MRPS28: variants seen among roughly 807,000 people sequenced by gnomAD.
MRPS28 encodes small ribosomal subunit protein bS1m.
A neutral mutation model predicts 10.8 loss-of-function variants in MRPS28; 7 were observed. The observed-to-expected ratio is 0.65, with a 90% CI of 0.37 to 1.22. MRPS28 has a LOEUF of 1.22. Among genes scored for constraint, MRPS28 ranks in the 50% most tolerant of loss-of-function variants. MRPS28 has a pLI of 0.02. For missense variants in MRPS28, 265 were observed against 232.9 expected (o/e 1.14, Z -0.90); for synonymous variants, 121 against 93.3 (o/e 1.30, Z -1.71).
At chr8:79,928,705 T>C (rs1443381940) in intron 2 of MRPS28, among the ~76,000 whole-genome samples, 2 of 151,250 alleles carry the variant, frequency 1.3e-5, no homozygotes. Context: ...CCTCCCAAAG[T>C]GCTGGGATTA....
intron 2 of MRPS28, among the ~76,000 whole-genome samples, chr8:79,936,836 TA>T (rs1407383939): frequency 6.6e-6 from 1 of 152,160 alleles, no homozygotes; most frequent in Non-Finnish European, 1.5e-5. Context: ...TATTTTTTAA[TA>T]AACAACCTCT....
intron 2 of MRPS28, among the ~76,000 whole-genome samples, chr8:79,937,499 G>A (rs886358743): frequency 6.6e-6 from 1 of 152,140 alleles, no homozygotes; most frequent in African/African-American, 2.4e-5. Flanking sequence ...TAGTGATACT[G>A]ATTTTCAACG....
At chr8:79,961,659 G>C (rs529771974) in intron 2 of MRPS28, among the ~76,000 whole-genome samples, 2 of 152,220 alleles carry the variant, frequency 1.3e-5, no homozygotes, top group East Asian at 3.9e-4. Context: ...AAACAAAAGA[G>C]TGGCTTAATT....
At chr8:79,945,364 A>T (rs1008026054) in intron 2 of MRPS28, among the ~76,000 whole-genome samples, 25 of 152,216 alleles carry the variant, frequency 1.6e-4, no homozygotes, top group African/African-American at 6.0e-4. Flanking sequence ...AAACCTCAGC[A>T]CACATAGGCA....
chr8:79,919,248 G>A, intron 2 of MRPS28, 100 bp from the exon 3 acceptor site: 2 of 924,770 alleles, frequency 2.2e-6, no homozygotes, highest in Non-Finnish European at 3.0e-6. Context: ...ATTTGTGTTA[G>A]CTCAAGATGA....
intron 2 of MRPS28, among the ~76,000 whole-genome samples, chr8:79,933,432 C>T (rs972683249): frequency 2.0e-5 from 3 of 152,218 alleles, no homozygotes; most frequent in Admixed American, 1.3e-4. Context: ...GTTCAGTCTC[C>T]AAATACAGTC....
intron 2 of MRPS28, among the ~76,000 whole-genome samples, chr8:79,985,523 C>T (rs1044332130): frequency 1.3e-4 from 20 of 151,960 alleles, no homozygotes; most frequent in Admixed American, 3.3e-4. Context: ...ATTGATAGAC[C>T]GCTAGCAAGG....
intron 2 of MRPS28, among the ~76,000 whole-genome samples, chr8:79,935,395 G>C (rs922492085): frequency 1.3e-5 from 2 of 151,872 alleles, no homozygotes; most frequent in Non-Finnish European, 2.9e-5. Context: ...TAAACTGTGT[G>C]ATTGCTTGGT....
At chr8:79,954,169 G>C (rs1292294319) in intron 2 of MRPS28, among the ~76,000 whole-genome samples, 1 of 151,774 alleles carries the variant, frequency 6.6e-6, no homozygotes, top group Non-Finnish European at 1.5e-5. Flanking sequence ...CTTGAGCCCA[G>C]GAGTTAGACT....
chr8:79,986,530 T>C (rs1357042993), intron 2 of MRPS28, among the ~76,000 whole-genome samples: 4 of 151,792 alleles, frequency 2.6e-5, no homozygotes, highest in Non-Finnish European at 4.4e-5. Context: ...AAAACCCCGT[T>C]GTCTCAGCCC....
chr8:79,922,465 T>G (rs1232585700), intron 2 of MRPS28, among the ~76,000 whole-genome samples: 1 of 152,168 alleles, frequency 6.6e-6, no homozygotes, highest in African/African-American at 2.4e-5. Context: ...GTGAGTATAT[T>G]TTGTGTTCTC....
At chr8:79,929,719 G>C (rs1446877536) in intron 2 of MRPS28, among the ~76,000 whole-genome samples, 2 of 152,258 alleles carry the variant, frequency 1.3e-5, no homozygotes, top group Non-Finnish European at 1.5e-5. Context: ...GTTGGAAAGG[G>C]AACAGGTTGT....
chr8:79,984,524 A>G (rs1003206560), intron 2 of MRPS28, among the ~76,000 whole-genome samples: 6 of 152,246 alleles, frequency 3.9e-5, no homozygotes. Flanking sequence ...TGTATTCAGG[A>G]GACCCATCTC....
intron 2 of MRPS28, among the ~76,000 whole-genome samples, chr8:79,956,237 C>T (rs1023242685): frequency 7.2e-5 from 11 of 151,912 alleles, no homozygotes; most frequent in East Asian, 3.9e-4. Context: ...CAAGTTAATA[C>T]TATATGAAAT....
At chr8:79,940,396 T>C (rs1806735186) in intron 2 of MRPS28, among the ~76,000 whole-genome samples, 1 of 152,214 alleles carries the variant, frequency 6.6e-6, no homozygotes, top group Admixed American at 6.5e-5. Flanking sequence ...CCTTTACTGT[T>C]CCAGGAAATG....
chr8:79,997,835 ACTTGAC>A (rs1808543884), intron 2 of MRPS28, among the ~76,000 whole-genome samples: 1 of 152,086 alleles, frequency 6.6e-6, no homozygotes, highest in Non-Finnish European at 1.5e-5. Context: ...CGGGCGGATC[ACTTGAC>A]GCCAGGAGTT....
intron 2 of MRPS28, among the ~76,000 whole-genome samples, chr8:79,973,375 C>CCATA (rs1452989907): frequency 3.9e-5 from 6 of 152,126 alleles, no homozygotes; most frequent in African/African-American, 1.4e-4. Context: ...TCATACCACA[C>CCATA]CATACCCTCA....
intron 2 of MRPS28, among the ~76,000 whole-genome samples, chr8:79,984,309 A>G (rs2130091463): frequency 6.6e-6 from 1 of 152,374 alleles, no homozygotes; most frequent in Admixed American, 6.5e-5. Flanking sequence ...AGTACTAGCT[A>G]CTGCATAATC....
intron 2 of MRPS28, among the ~76,000 whole-genome samples, chr8:79,998,079 A>G (rs1178720344): frequency 1.3e-5 from 2 of 151,998 alleles, no homozygotes; most frequent in South Asian, 2.1e-4. Context: ...GAAAGAAAGA[A>G]AGAAAGAAAC....
Sources: gnomAD v4.1 joint callset for allele counts (sites outside exome capture counted in the v4.1 genomes callset) on GRCh38, gnomAD v4.1.1 for gene constraint, MANE v1.5 for transcripts, NCBI Gene and HGNC (gene_info 2026-07-23, HGNC 2026-07-21) for gene names.